Variants in GOLGA4 observed in about 807,000 individuals in gnomAD.
GOLGA4 encodes golgin A4.
Under a neutral mutation model 265.9 loss-of-function variants are expected in GOLGA4, and 169 were observed. The ratio of observed to expected loss-of-function variants is 0.64; its 90% CI spans 0.56 to 0.72. GOLGA4 has a LOEUF of 0.72. Ranked by LOEUF, GOLGA4 falls within the 30% of genes least tolerant of loss-of-function variation. The probability of loss-of-function intolerance (pLI) is 0.00; values close to 1 mark genes in which losing one functional copy is unlikely to be tolerated. For missense variants in GOLGA4, 2,482 were observed against 2,483.4 expected (o/e 1.00, Z 0.01); for synonymous variants, 923 against 855.8 (o/e 1.08, Z -1.37).
intron 19 of GOLGA4, 147 bp from the exon 20 acceptor site, chr3:37,339,977 A>G (rs951793142): frequency 4.6e-6 from 2 of 432,926 alleles, no homozygotes; most frequent in Admixed American, 4.3e-5. Context: ...CGCAGAAACA[A>G]TTCTTGCTCT....
In GOLGA4 at chr3:37,289,294, A is replaced by G. The variant is rs2096858763; in HGVS notation, c.582+3A>G. ...GGAGAATAGCAGAATTAAGAGAGGTAAGTTTCAGTGATGAGTACTTTGAAA... is the reference window on the plus strand; with the variant it reads ...GGAGAATAGCAGAATTAAGAGAGGTGAGTTTCAGTGATGAGTACTTTGAAA... On this transcript the variant is annotated splice_donor_region_variant and intron_variant, in intron 5 of 23. Coordinates refer to ENST00000361924, the MANE Select transcript of GOLGA4 (RefSeq NM_002078.5). The G allele has an allele frequency of 6.5e-7, 1 of 1,530,822 alleles. No homozygotes were observed. Among genetic ancestry groups the G allele is most frequent in the Non-Finnish European group, 9.0e-7 (1 of 1,106,592 alleles). The allele number at this position is 1,530,822 out of a possible 1,614,324, so 94.8% of individuals were successfully genotyped here.
intron 11 of GOLGA4, among the ~76,000 whole-genome samples, chr3:37,317,757 T>C (rs1306541030): frequency 6.6e-6 from 1 of 152,172 alleles, no homozygotes; most frequent in East Asian, 1.9e-4. Flanking sequence ...TTTGGCGAAA[T>C]CCTTGACTCA....
chr3:37,307,921 A>G (rs1312653459), intron 10 of GOLGA4, among the ~76,000 whole-genome samples: 1 of 152,190 alleles, frequency 6.6e-6, no homozygotes, highest in Non-Finnish European at 1.5e-5. Context: ...TGATAGATAA[A>G]TATGTATGTA....
chr3:37,310,774 AT>A (rs1393078635), intron 10 of GOLGA4, among the ~76,000 whole-genome samples: 2 of 151,550 alleles, frequency 1.3e-5, no homozygotes, highest in Admixed American at 6.6e-5. Context: ...GATACATTGA[AT>A]TTTGCTTTGG....
At position 37,328,432 on chromosome 3, in the gene GOLGA4, C is replaced by G; in HGVS notation, c.5956C>G (p.Leu1986Val). 1.9e-6 allele frequency: 3 copies of G among 1,612,734 alleles called. No individual in the cohort carries two copies. The highest frequency in any genetic ancestry group is 1.3e-5 in the African/African-American group (1 of 74,962). The part of the protein sequence containing the change: ...EEKIKQEQED[L>V]ELKHNSTLKQ... ...ATTACTCAGACAGGAGCAGGAAGAT[C>G]TTGAACTGAAGCACAATTCCACATT... The change falls in exon 15 of 24, where the codon CTT (leucine) becomes GTT (valine). Residue 1986 changes from leucine to valine, a missense_variant. By Grantham distance (32) the Leu-to-Val change is conservative (BLOSUM62 1). This residue lies in a region of GOLGA4 where 942 missense variants were observed against 983.1 expected (regional missense o/e 0.96). Coordinates refer to ENST00000361924, the MANE Select transcript of GOLGA4 (RefSeq NM_002078.5).
chr3:37,345,314 C>T lies in GOLGA4; in HGVS notation c.6473-1879C>T, dbSNP rs2097052724. ...GTAATATTTATTTTCTAACTAAATGCATATTTTAAAGGCATTATGCATTAT... is the reference window on the plus strand; with the variant it reads ...GTAATATTTATTTTCTAACTAAATGTATATTTTAAAGGCATTATGCATTAT... On this transcript the variant is annotated intron_variant, in intron 20 of 23. Transcript: ENST00000361924. Among the ~76,000 whole-genome samples, 4 of 152,150 alleles carry T rather than the reference C, an allele frequency of 2.6e-5. No individual in the cohort carries two copies. In the South Asian group the frequency reaches 8.3e-4, roughly 31 times the overall value.
intron 17 of GOLGA4, among the ~76,000 whole-genome samples, 193 bp downstream of exon 17, chr3:37,335,359 C>G (rs1433447241): frequency 6.6e-6 from 1 of 152,222 alleles, no homozygotes; most frequent in Non-Finnish European, 1.5e-5. Flanking sequence ...CAAGCTCACA[C>G]AATAAGTGTT....
At chr3:37,304,263 TA>T (rs967536281) in intron 10 of GOLGA4, among the ~76,000 whole-genome samples, 16 of 152,310 alleles carry the variant, frequency 1.1e-4, no homozygotes, top group African/African-American at 3.8e-4. Flanking sequence ...AACCAGATTT[TA>T]AGGTGTTAAG....
chr3:37,344,733 A>G (rs1462797106), intron 20 of GOLGA4, among the ~76,000 whole-genome samples: 2 of 152,080 alleles, frequency 1.3e-5, no homozygotes, highest in African/African-American at 4.8e-5. Context: ...TAACTCTTTG[A>G]ATGTCCATAG....
At chr3:37,343,132 T>G (rs780109519) in intron 20 of GOLGA4, among the ~76,000 whole-genome samples, 3 of 152,024 alleles carry the variant, frequency 2.0e-5, no homozygotes, top group Non-Finnish European at 4.4e-5. Flanking sequence ...TTTGTTTGTT[T>G]GTTTTCAAGA....
At chr3:37,291,011 G>A (rs1000141892) in intron 5 of GOLGA4, among the ~76,000 whole-genome samples, 1 of 152,092 alleles carries the variant, frequency 6.6e-6, no homozygotes, top group Non-Finnish European at 1.5e-5. Flanking sequence ...AATAAATGAA[G>A]GGTGTTGATA....
At chr3:37,356,944 A>C (rs1348278610) in intron 22 of GOLGA4, among the ~76,000 whole-genome samples, 1 of 152,140 alleles carries the variant, frequency 6.6e-6, no homozygotes, top group Non-Finnish European at 1.5e-5. Flanking sequence ...TGCTCTAGCA[A>C]ATGTGGTAGG....
intron 2 of GOLGA4, among the ~76,000 whole-genome samples, chr3:37,254,980 TC>T (rs2096744574): frequency 6.7e-6 from 1 of 150,154 alleles, no homozygotes; most frequent in Non-Finnish European, 1.5e-5. Context: ...TAGAAATCTG[TC>T]CTATAGAACA....
At chr3:37,258,260 C>CATATATATAGAGCATATATATG (rs1040297333) in intron 2 of GOLGA4, among the ~76,000 whole-genome samples, 5 of 143,992 alleles carry the variant, frequency 3.5e-5, no homozygotes, top group African/African-American at 7.7e-5. Context: ...ATATAGAGAG[C>CATATATATAGAGCATATATATG]ATATATATAG....
intron 2 of GOLGA4, among the ~76,000 whole-genome samples, chr3:37,257,936 CATACATATATATGTATGTATATATGT>C: frequency 1.0e-5 from 1 of 96,794 alleles, no homozygotes; most frequent in African/African-American, 5.3e-5. Context: ...TGTATATATA[CATACATATATATGTATGTATATATGT>C]ATATATACAT....
At chr3:37,359,229 G>A (rs1449861231) in intron 22 of GOLGA4, among the ~76,000 whole-genome samples, 1 of 152,160 alleles carries the variant, frequency 6.6e-6, no homozygotes, top group East Asian at 1.9e-4. Flanking sequence ...ATATGGGCAA[G>A]AGTGAATACA....
At position 37,282,141 on chromosome 3, in the gene GOLGA4, C is replaced by G. The variant is rs2096836452; in HGVS notation, c.346C>G (p.Pro116Ala). ...GGACAGTTCTACTGCCAGTTTTGAT[C>G]CACCCTCTGATATGGATAGCGAGGC... ...DLDSSTASFD[P>A]PSDMDSEAED... Residue 116 changes from proline to alanine, a missense_variant, in exon 3 of 24, where the codon CCA (proline) becomes GCA (alanine). Pro to Ala is a conservative substitution (Grantham distance 27, BLOSUM62 -1). Coordinates refer to ENST00000361924, the MANE Select transcript of GOLGA4 (RefSeq NM_002078.5). The G allele has an allele frequency of 6.2e-7, 1 of 1,614,086 alleles. No individual in the cohort carries two copies.
At chr3:37,252,864 T>C (rs916492011) in intron 2 of GOLGA4, among the ~76,000 whole-genome samples, 3 of 152,204 alleles carry the variant, frequency 2.0e-5, no homozygotes. Flanking sequence ...TATAGAATAC[T>C]AAGGAGTTTT....
At chr3:37,275,765 T>C in intron 2 of GOLGA4, 5 of 1,613,380 alleles carry the variant, frequency 3.1e-6, no homozygotes, top group East Asian at 4.5e-5. Context: ...GGCTGGAGCA[T>C]TGGATTTGCT....
Sources: gnomAD v4.1 joint callset for allele counts (sites outside exome capture counted in the v4.1 genomes callset) on GRCh38, gnomAD v4.1.1 for gene constraint, gnomAD v4.1.1 regional missense constraint, MANE v1.5 for transcripts, NCBI Gene and HGNC (gene_info 2026-07-23, HGNC 2026-07-21) for gene names.